Variants in TMA16 observed in about 807,000 individuals in gnomAD.
TMA16 encodes translation machinery-associated protein 16.
A neutral mutation model predicts 27.1 loss-of-function variants in TMA16; 26 were observed. The ratio of observed to expected loss-of-function variants is 0.96; its 90% confidence interval spans 0.70 to 1.33. The LOEUF (loss-of-function observed/expected upper bound fraction) is 1.33. Ranked by LOEUF, TMA16 falls within the 40% of genes most tolerant of loss-of-function variation. TMA16 has a pLI of 0.00. For missense variants in TMA16, 233 were observed against 241.4 expected (o/e 0.97, Z 0.23); for synonymous variants, 71 against 81.9 (o/e 0.87, Z 0.72).
rs1737939828 is a variant in TMA16 at position 163,519,640 on chromosome 4, T to C, written c.*126T>C. The C allele has an allele frequency of 1.0e-6, 1 of 956,078 alleles. No homozygotes were observed. The highest frequency in any genetic ancestry group is 3.7e-5 in the Admixed American group (1 of 26,988). The allele number at this position is 956,078 out of a possible 1,614,324, so 59.2% of individuals were successfully genotyped here. On this transcript the variant is annotated 3_prime_UTR_variant, in exon 7 of 7. Transcript: ENST00000358572. ...TTCTCTTATATGATGAGAGTTTCAT[T>C]TGCGTTTCAAAAATGGTGTTATGAT...
chr4:163,496,530 CTT>C (rs1392181508), intron 1 of TMA16, among the ~76,000 whole-genome samples: 1 of 152,114 alleles, frequency 6.6e-6, no homozygotes, highest in Non-Finnish European at 1.5e-5. Flanking sequence ...TATAAATAAT[CTT>C]TTCAAATTAA....
In TMA16 at chr4:163,508,634, G is replaced by T. The variant is rs1285082316; in HGVS notation, c.116+1489G>T. On this transcript the variant is annotated intron_variant, in intron 2 of 6. Transcript: ENST00000358572. ...AGGATCAAAAGAAAATGGAGGAAGG[G>T]GAAGCAACGTGCTTACCATTTTATT... 2.6e-5 allele frequency among the ~76,000 whole-genome samples: 4 copies of T among 152,202 alleles called. No individual in the cohort carries two copies. In the South Asian group the frequency reaches 6.2e-4, roughly 24 times the overall value.
At chr4:163,495,607 C>A (rs1445499784) in intron 1 of TMA16, among the ~76,000 whole-genome samples, 1 of 152,122 alleles carries the variant, frequency 6.6e-6, no homozygotes. Flanking sequence ...GTAATTCTTG[C>A]ATAGAAACAT....
chr4:163,511,231 G>GT (rs917336918), intron 2 of TMA16, among the ~76,000 whole-genome samples: 99 of 148,212 alleles, frequency 6.7e-4, no homozygotes, highest in South Asian at 5.0e-3. Flanking sequence ...TGTTGTCAGG[G>GT]TTTTTTTTTT....
chr4:163,499,898 C>A (rs1013072881), intron 1 of TMA16, among the ~76,000 whole-genome samples: 8 of 152,098 alleles, frequency 5.3e-5, no homozygotes, highest in Non-Finnish European at 1.0e-4. Flanking sequence ...GCAAATGTTA[C>A]AAATAAATAA....
intron 1 of TMA16, among the ~76,000 whole-genome samples, chr4:163,504,670 A>G (rs564877208): frequency 4.6e-5 from 7 of 152,116 alleles, no homozygotes; most frequent in African/African-American, 1.7e-4. Flanking sequence ...GCACATTTTT[A>G]TATTTTTAGT....
At chr4:163,519,159 G>A (rs1737928756) in intron 6 of TMA16, among the ~76,000 whole-genome samples, 175 bp from the exon 7 acceptor site, 1 of 152,120 alleles carries the variant, frequency 6.6e-6, no homozygotes, top group Non-Finnish European at 1.5e-5. Flanking sequence ...TCAGGTTAGA[G>A]AGGATGAAAG....
intron 4 of TMA16, 47 bp downstream of exon 4, chr4:163,514,205 TC>T: frequency 6.8e-7 from 1 of 1,461,548 alleles, no homozygotes; most frequent in East Asian, 2.4e-5. Flanking sequence ...AAGGGAATTG[TC>T]CAGCCTGGTT....
intron 2 of TMA16, among the ~76,000 whole-genome samples, chr4:163,509,186 C>G (rs1027155852): frequency 2.0e-5 from 3 of 152,150 alleles, no homozygotes; most frequent in Admixed American, 2.0e-4. Context: ...TCAGTAACCA[C>G]GAGTCATACT....
chr4:163,500,408 A>G (rs1737632976), intron 1 of TMA16, among the ~76,000 whole-genome samples: 1 of 151,966 alleles, frequency 6.6e-6, no homozygotes, highest in Non-Finnish European at 1.5e-5. Context: ...ACGGGATTTC[A>G]CCATGTTGGC....
chr4:163,516,959 A>G (rs78801611), intron 5 of TMA16: 1,659 of 153,634 alleles, frequency 0.011, 26 homozygotes, highest in African/African-American at 0.036. Context: ...TTATTGTTAA[A>G]AAAGGACAGG....
chr4:163,503,358 C>G (rs984578170), intron 1 of TMA16, among the ~76,000 whole-genome samples: 1 of 152,002 alleles, frequency 6.6e-6, no homozygotes, highest in African/African-American at 2.4e-5. Context: ...TTGTGGACCT[C>G]AAGTGTGTTT....
At chr4:163,503,401 T>C (rs1737675397) in intron 1 of TMA16, among the ~76,000 whole-genome samples, 1 of 152,206 alleles carries the variant, frequency 6.6e-6, no homozygotes, top group African/African-American at 2.4e-5. Context: ...GTCTCTTGTT[T>C]CACTGAGTAG....
At chr4:163,495,827 C>T (rs2110783166) in intron 1 of TMA16, among the ~76,000 whole-genome samples, 1 of 152,134 alleles carries the variant, frequency 6.6e-6, no homozygotes, top group Middle Eastern at 3.4e-3. Flanking sequence ...CCACTGCTGA[C>T]GCATATTTTG....
intron 1 of TMA16, among the ~76,000 whole-genome samples, chr4:163,503,019 A>T (rs1737670373): frequency 6.6e-6 from 1 of 152,128 alleles, no homozygotes; most frequent in Non-Finnish European, 1.5e-5. Flanking sequence ...AGATACACAA[A>T]TACTTACCTT....
In TMA16 at chr4:163,520,367, T is replaced by A. The variant is rs759211717; in HGVS notation, c.*853T>A. Reference sequence around the variant, plus strand: ...ACTTTTTAAATGTAAGTATCCTTATTTTTTTTTTAAAAGAGCACAATGTAG... The same window carrying A: ...ACTTTTTAAATGTAAGTATCCTTATATTTTTTTTAAAAGAGCACAATGTAG... On this transcript the variant is annotated 3_prime_UTR_variant, in exon 7 of 7. Coordinates refer to ENST00000358572, the MANE Select transcript of TMA16 (RefSeq NM_018352.3). 40 of 160,368 alleles carry A rather than the reference T, an allele frequency of 2.5e-4. No homozygotes were observed. Among genetic ancestry groups the A allele is most frequent in the Non-Finnish European group, 1.1e-4 (8 of 74,458 alleles). 9.9% of individuals were successfully genotyped at this position (160,368 alleles called of 1,614,324 possible).
At chr4:163,518,083 C>T (rs145548682) in intron 6 of TMA16, among the ~76,000 whole-genome samples, 56 of 152,040 alleles carry the variant, frequency 3.7e-4, no homozygotes, top group African/African-American at 1.3e-3. Flanking sequence ...TGAATCTACC[C>T]AGGTAGTGAG....
Position 163,517,437 on chromosome 4 carries a change from T to C in TMA16, c.392T>C (p.Ile131Thr). ...RQQFEGYGLE[I>T]PDILNASNLK... ...GATAAATTACTTTCTTTTCCAGAGA[T>C]TCCAGACATTCTAAATGCAAGTAAT... Residue 131 changes from isoleucine (I) to threonine (T), a missense_variant, in exon 6 of 7, where the codon ATT (isoleucine) becomes ACT (threonine). Ile to Thr is a moderately conservative substitution (Grantham distance 89). Coordinates refer to ENST00000358572, the MANE Select transcript of TMA16 (RefSeq NM_018352.3). 6.2e-7 allele frequency: 1 copy of C among 1,613,002 alleles called. No homozygotes were observed. Among genetic ancestry groups the C allele is most frequent in the Non-Finnish European group, 8.5e-7 (1 of 1,179,406 alleles).
Position 163,506,732 on chromosome 4 carries a change from C to T in TMA16, c.4-301C>T, listed in dbSNP as rs1370621494. Among the ~76,000 whole-genome samples the T allele has an allele frequency of 2.0e-5, 3 of 152,050 alleles. No homozygotes were observed. The East Asian group carries it at 5.8e-4, about 29-fold the overall frequency. Reference sequence around the variant, plus strand: ...GTGAGTCTCCTCACTATCTGTAGTCCCTGTATCTTCTTTGAAGATAGAACA... The same window carrying T: ...GTGAGTCTCCTCACTATCTGTAGTCTCTGTATCTTCTTTGAAGATAGAACA... On this transcript the variant is annotated intron_variant, in intron 1 of 6. Coordinates refer to ENST00000358572, the MANE Select transcript of TMA16 (RefSeq NM_018352.3).
Sources: gnomAD v4.1 joint callset for allele counts (sites outside exome capture counted in the v4.1 genomes callset) on GRCh38, gnomAD v4.1.1 for gene constraint, MANE v1.5 for transcripts, NCBI Gene and HGNC (gene_info 2026-07-23, HGNC 2026-07-21) for gene names.